SEMA4D: variants seen among roughly 807,000 people sequenced by gnomAD.
SEMA4D encodes semaphorin-4D.
Under a neutral mutation model 74.8 loss-of-function variants are expected in SEMA4D, and 22 were observed. The observed-to-expected ratio is 0.29, with a 90% confidence interval of 0.21 to 0.42. SEMA4D has a LOEUF of 0.42. SEMA4D is among the 10% of genes least tolerant of loss of function. The pLI is 1.00. For synonymous variants in SEMA4D, 445 were observed against 463.7 expected, an observed-to-expected ratio of 0.96 and a Z score of 0.52; for missense variants, 937 against 1,118.4, an observed-to-expected ratio of 0.84 and a Z score of 2.31.
rs1836070987 is a variant in SEMA4D, at chr9:89,377,861, G to A, written c.*843C>T. 1.3e-5 allele frequency: 2 copies of A among 150,240 alleles called. No homozygotes were observed. The highest frequency in any genetic ancestry group is 1.4e-4 in the Admixed American group (2 of 14,556). 9.3% of individuals were successfully genotyped at this position (150,240 alleles called of 1,614,324 possible). A position where few individuals can be genotyped will look rare whatever the true frequency, so the allele number is the denominator to read the frequency against. On this transcript the variant is annotated 3_prime_UTR_variant, in exon 16 of 16. Transcript: ENST00000422704. ...GCTCAAAACCCACCTCGTGGATGTG[G>A]GAAGGTCCTCTTCTTCGAGAGAGTA...
chr9:89,444,147 C>T (rs527745641), intron 2 of SEMA4D, among the ~76,000 whole-genome samples: 10 of 152,114 alleles, frequency 6.6e-5, no homozygotes, highest in Non-Finnish European at 1.5e-4. Context: ...GAAATTATAC[C>T]TACCTACCAT....
At chr9:89,470,814 G>A (rs962835330) in intron 1 of SEMA4D, among the ~76,000 whole-genome samples, 5 of 152,164 alleles carry the variant, frequency 3.3e-5, no homozygotes. Context: ...TATGTACTGC[G>A]TGGTTCCATT....
intron 16 of SEMA4D, chr9:89,364,057 G>A: frequency 1.2e-6 from 2 of 1,600,230 alleles, no homozygotes; most frequent in South Asian, 1.1e-5. Flanking sequence ...TGGACCTGAA[G>A]TGACTTGGGA....
intron 1 of SEMA4D, among the ~76,000 whole-genome samples, chr9:89,494,608 G>C (rs1825867453): frequency 6.6e-6 from 1 of 152,232 alleles, no homozygotes; most frequent in African/African-American, 2.4e-5. Flanking sequence ...ATGAAGTAAA[G>C]AATCCAATGG....
intron 1 of SEMA4D, among the ~76,000 whole-genome samples, chr9:89,478,771 A>G (rs1045775683): frequency 1.3e-5 from 1 of 77,662 alleles, no homozygotes. Context: ...CCTCCACCCC[A>G]CCCCACCCCA....
intron 16 of SEMA4D, chr9:89,365,183 G>A (rs1386447851): frequency 1.3e-5 from 2 of 152,422 alleles, no homozygotes; most frequent in Non-Finnish European, 2.9e-5. Context: ...TCCAGCCCCA[G>A]AGCGTACAGA....
At chr9:89,408,231 G>GCTCCT (rs1843730037) in intron 2 of SEMA4D, among the ~76,000 whole-genome samples, 1 of 152,194 alleles carries the variant, frequency 6.6e-6, no homozygotes, top group Non-Finnish European at 1.5e-5. Flanking sequence ...TACGAATGGA[G>GCTCCT]CTCCTGCTAA....
intron 13 of SEMA4D, chr9:89,385,471 G>C (rs916501701): frequency 1.3e-5 from 13 of 985,266 alleles, no homozygotes; most frequent in Non-Finnish European, 9.6e-6. Context: ...CAAATCTCCA[G>C]GGCTCCCTTT....
At chr9:89,468,115 C>T (rs73488286) in intron 1 of SEMA4D, among the ~76,000 whole-genome samples, 2,318 of 152,306 alleles carry the variant, frequency 0.015, 60 homozygotes, top group African/African-American at 0.051. Context: ...ACTGAGAAAA[C>T]TCAGCGCCAT....
chr9:89,426,862 G>A (rs951264333), intron 2 of SEMA4D, among the ~76,000 whole-genome samples: 2 of 152,146 alleles, frequency 1.3e-5, no homozygotes, highest in African/African-American at 4.8e-5. Context: ...CTGTGGGCAG[G>A]TGACAAGCAT....
In SEMA4D at chr9:89,381,608, C is replaced by T. The variant is rs937794622; in HGVS notation, c.1447-262G>A. The stretch of plus-strand genomic sequence containing the variant: ...GTCTGGGCACCCACAGGTGCCTGCC[C>T]TCCAGCAAAGCGCTTCTCTGCACGT... On this transcript the variant is annotated intron_variant, in intron 13 of 15. Coordinates refer to ENST00000422704, the MANE Select transcript of SEMA4D (RefSeq NM_001371194.2). This position sits in a 1 kb window ranked among gnomAD's most constrained non-coding sequence, Gnocchi z 4.6. The T allele has an allele frequency of 2.6e-6, 1 of 380,648 alleles. No homozygotes were observed. The highest frequency in any genetic ancestry group is 4.7e-6 in the Non-Finnish European group (1 of 212,048). The allele number at this position is 380,648 out of a possible 1,614,324, so 23.6% of individuals were successfully genotyped here. A position where few individuals can be genotyped will look rare whatever the true frequency, so the allele number is the denominator to read the frequency against.
At chr9:89,426,904 A>G (rs1848236756) in intron 2 of SEMA4D, among the ~76,000 whole-genome samples, 1 of 152,200 alleles carries the variant, frequency 6.6e-6, no homozygotes, top group African/African-American at 2.4e-5. Context: ...CAATGTGACA[A>G]CCACAACACC....
chr9:89,485,739 GATTGCACC>G (rs1205338917), intron 1 of SEMA4D, among the ~76,000 whole-genome samples: 13 of 125,360 alleles, frequency 1.0e-4, no homozygotes, highest in Non-Finnish European at 1.6e-5. Flanking sequence ...AGTGAGCCAA[GATTGCACC>G]ATTGCACTCC....
chr9:89,430,477 C>G (rs1017414522), intron 2 of SEMA4D, among the ~76,000 whole-genome samples: 1 of 152,160 alleles, frequency 6.6e-6, no homozygotes, highest in Non-Finnish European at 1.5e-5. Flanking sequence ...CAGCCAGGCT[C>G]GGAGGACAAA....
chr9:89,461,700 CT>C (rs61696689), intron 1 of SEMA4D, among the ~76,000 whole-genome samples: 3,308 of 103,590 alleles, frequency 0.032, 57 homozygotes, highest in African/African-American at 0.065. Context: ...TCTTTTTTCT[CT>C]TTTTTTTTTT....
chr9:89,491,931 C>T (rs914256995), intron 1 of SEMA4D, among the ~76,000 whole-genome samples: 23 of 152,082 alleles, frequency 1.5e-4, no homozygotes, highest in African/African-American at 9.7e-5. Flanking sequence ...GGATCCTTCA[C>T]CAAAGGGGCG....
intron 2 of SEMA4D, among the ~76,000 whole-genome samples, chr9:89,413,675 A>C (rs1845031834): frequency 6.6e-6 from 1 of 152,148 alleles, no homozygotes; most frequent in African/African-American, 2.4e-5. Flanking sequence ...ATCTGCTTGG[A>C]TCTCTGCATG....
At chr9:89,396,867 C>T (rs575077697) in intron 5 of SEMA4D, 32 bp from the exon 6 acceptor site, 16 of 1,584,312 alleles carry the variant, frequency 1.0e-5, no homozygotes, top group African/African-American at 5.4e-5. Context: ...CATTAGCAAC[C>T]GTCCAGCCCA....
intron 13 of SEMA4D, 89 bp downstream of exon 13, chr9:89,386,278 C>A: frequency 8.8e-7 from 1 of 1,135,524 alleles, no homozygotes; most frequent in East Asian, 2.5e-5. Flanking sequence ...TGCCCAGGAG[C>A]CCGACTCCAG....
Sources: gnomAD v4.1 joint callset for allele counts (sites outside exome capture counted in the v4.1 genomes callset) on GRCh38, gnomAD v4.1.1 for gene constraint, Gnocchi (gnomAD v3.1) non-coding constraint, MANE v1.5 for transcripts, NCBI Gene and HGNC (gene_info 2026-07-23, HGNC 2026-07-21) for gene names.